ENTPD7: variants seen among roughly 807,000 people sequenced by gnomAD.
ENTPD7 encodes the protein ectonucleoside triphosphate diphosphohydrolase 7.
A neutral mutation model predicts 77.9 loss-of-function variants in ENTPD7; 53 were observed. The observed-to-expected ratio is 0.68, with a 90% CI of 0.55 to 0.85. The LOEUF (loss-of-function observed/expected upper bound fraction) is 0.85. ENTPD7 is among the 40% of genes least tolerant of loss of function. ENTPD7 has a pLI of 0.00. For synonymous variants in ENTPD7, 248 were observed against 274.9 expected, an observed-to-expected ratio of 0.90 and a Z score of 0.97; for missense variants, 636 against 743.7, an observed-to-expected ratio of 0.86 and a Z score of 1.68.
chr10:99,685,983 A>G (rs1477261665), intron 6 of ENTPD7, 88 bp downstream of exon 6: 3 of 785,634 alleles, frequency 3.8e-6, no homozygotes, highest in East Asian at 2.6e-5. Context: ...TATTCTATAT[A>G]TCGGATTTTA....
chr10:99,691,648 T>A, intron 8 of ENTPD7, 130 bp downstream of exon 8: 1 of 984,970 alleles, frequency 1.0e-6, no homozygotes, highest in Admixed American at 2.8e-5. Context: ...GCTTGCGTTA[T>A]CTTGAGTAGG....
rs1246273984 is a variant in ENTPD7, at chr10:99,702,400, G to A, written c.1422-112G>A. ...CACTTAGAGGTGAGGAAGGTGAAGC[G>A]GGAGGAGGTAGGTCTTTTAATAACT... is the stretch of plus-strand genomic sequence containing the variant. On this transcript the variant is annotated intron_variant, in intron 11 of 12. Coordinates refer to ENST00000370489, the MANE Select transcript of ENTPD7 (RefSeq NM_020354.5). 2.4e-5 allele frequency: 21 copies of A among 868,046 alleles called. No individual in the cohort carries two copies. In the East Asian group the frequency reaches 2.8e-4, roughly 12 times the overall value. 53.8% of individuals were successfully genotyped at this position (868,046 alleles called of 1,614,324 possible).
At chr10:99,703,070 C>T (rs987984824) in intron 12 of ENTPD7, among the ~76,000 whole-genome samples, 1 of 152,224 alleles carries the variant, frequency 6.6e-6, no homozygotes, top group African/African-American at 2.4e-5. Flanking sequence ...CTAGAGCAAT[C>T]TTTCATAACA....
At chr10:99,674,042 A>G (rs1409827248) in intron 3 of ENTPD7, among the ~76,000 whole-genome samples, 1 of 152,254 alleles carries the variant, frequency 6.6e-6, no homozygotes, top group Non-Finnish European at 1.5e-5. Context: ...ATTTTAGAAC[A>G]GAAGGAAGAG....
intron 3 of ENTPD7, among the ~76,000 whole-genome samples, chr10:99,662,762 A>C (rs1460940330): frequency 6.6e-6 from 1 of 152,218 alleles, no homozygotes. Flanking sequence ...GCTGCAAGAC[A>C]GATAGATCTC....
intron 6 of ENTPD7, among the ~76,000 whole-genome samples, chr10:99,686,561 A>G (rs1445100308): frequency 6.6e-6 from 1 of 152,036 alleles, no homozygotes; most frequent in Admixed American, 6.6e-5. Flanking sequence ...TAAAATTTCT[A>G]TTTTGATCTT....
rs534821742 is a variant in ENTPD7 at position 99,664,705 on chromosome 10, T to C, written c.191+3077T>C. On this transcript the variant is annotated intron_variant, in intron 3 of 12. Transcript: ENST00000370489. ...ACCTTGTGGTCTACCCACGTTGGCCTCCCAAAGTGCTGGAATTACAGGCGT... is the reference window on the plus strand; with the variant it reads ...ACCTTGTGGTCTACCCACGTTGGCCCCCCAAAGTGCTGGAATTACAGGCGT... Among the ~76,000 whole-genome samples, 52 of 152,086 alleles carry C rather than the reference T, an allele frequency of 3.4e-4. No individual in the cohort carries two copies. In the East Asian group the frequency reaches 9.6e-3, roughly 28 times the overall value.
chr10:99,709,367 A>G lies in ENTPD7; in HGVS notation c.*4684A>G. On this transcript the variant is annotated 3_prime_UTR_variant, in exon 13 of 13. Transcript: ENST00000370489. ...TGGGAATAAGAATTATGGTAGAAAT[A>G]GCAGATGTTTCAAATTCTCCCATAT... 1 of 985,398 alleles carries G rather than the reference A, an allele frequency of 1.0e-6. No homozygotes were observed. Among genetic ancestry groups the G allele is most frequent in the South Asian group, 4.7e-5 (1 of 21,288 alleles). The allele number at this position is 985,398 out of a possible 1,614,324, so 61.0% of individuals were successfully genotyped here. A position where few individuals can be genotyped will look rare whatever the true frequency, so the allele number is the denominator to read the frequency against.
Position 99,660,557 on chromosome 10 carries a change from C to G in ENTPD7, c.8+593C>G, listed in dbSNP as rs1045303812. On this transcript the variant is annotated intron_variant, in intron 2 of 12. Coordinates refer to ENST00000370489, the MANE Select transcript of ENTPD7 (RefSeq NM_020354.5). ...ACACACACACACACACACACACACA[C>G]ACACAGAGATATATTACTGTAAATA... The G allele has an allele frequency of 6.5e-4, 171 of 262,116 alleles. 3 individuals are homozygous for G. Among genetic ancestry groups the G allele is most frequent in the East Asian group, 5.9e-3 (42 of 7,142 alleles). 16.2% of individuals were successfully genotyped at this position (262,116 alleles called of 1,614,324 possible). A position where few individuals can be genotyped will look rare whatever the true frequency, so the allele number is the denominator to read the frequency against.
chr10:99,667,868 C>T (rs1377086020), intron 3 of ENTPD7, among the ~76,000 whole-genome samples: 1 of 147,344 alleles, frequency 6.8e-6, no homozygotes, highest in African/African-American at 2.5e-5. Context: ...AACAGTTCTA[C>T]ATATGTTGTT....
At chr10:99,680,478 C>T (rs1439398979) in intron 5 of ENTPD7, among the ~76,000 whole-genome samples, 3 of 152,018 alleles carry the variant, frequency 2.0e-5, no homozygotes, top group African/African-American at 7.2e-5. Flanking sequence ...CCACCTTGAT[C>T]CGTCCATACT....
chr10:99,669,740 G>GGTTTTTTT (rs1554835535), intron 3 of ENTPD7, among the ~76,000 whole-genome samples: 1 of 59,256 alleles, frequency 1.7e-5, no homozygotes, highest in African/African-American at 6.7e-5. Context: ...TAGATGTGTG[G>GGTTTTTTT]TTTTTTTTTT....
chr10:99,670,168 C>T (rs2035603791), intron 3 of ENTPD7, among the ~76,000 whole-genome samples: 1 of 152,104 alleles, frequency 6.6e-6, no homozygotes, highest in South Asian at 2.1e-4. Flanking sequence ...TTTACTTATT[C>T]AACAATTATC....
rs771628663 is a variant in ENTPD7 at position 99,679,706 on chromosome 10, T to G, written c.398-19T>G. Reference sequence around the variant, plus strand: ...GCTTTTTAAAGAAAGTTTTGTCTGTTTGTTTGTTTTAACTTAAGGAATCTC... The same window carrying G: ...GCTTTTTAAAGAAAGTTTTGTCTGTGTGTTTGTTTTAACTTAAGGAATCTC... On this transcript the variant is annotated intron_variant, in intron 4 of 12. Coordinates refer to ENST00000370489, the MANE Select transcript of ENTPD7 (RefSeq NM_020354.5). 1.9e-6 allele frequency: 3 copies of G among 1,595,892 alleles called. No homozygotes were observed. The highest frequency in any genetic ancestry group is 2.6e-6 in the Non-Finnish European group (3 of 1,173,964).
At chr10:99,696,226 CCTT>C (rs2035974810) in intron 9 of ENTPD7, 104 bp downstream of exon 9, 13 of 1,380,348 alleles carry the variant, frequency 9.4e-6, no homozygotes, top group South Asian at 1.4e-5. Flanking sequence ...CCTGCTTCCT[CCTT>C]CTTTCTGACT....
At position 99,710,179 on chromosome 10, in the gene ENTPD7, T is replaced by A. The variant is rs2036337394; in HGVS notation, c.*5496T>A. 3.0e-6 allele frequency: 3 copies of A among 985,444 alleles called. No individual in the cohort carries two copies. The highest frequency in any genetic ancestry group is 1.1e-4 in the East Asian group (1 of 8,814). 61.0% of individuals were successfully genotyped at this position (985,444 alleles called of 1,614,324 possible). On this transcript the variant is annotated 3_prime_UTR_variant, in exon 13 of 13. Coordinates refer to ENST00000370489, the MANE Select transcript of ENTPD7 (RefSeq NM_020354.5). ...AAGGCAGCCCTGGTACTTTCCTAAG[T>A]GGCCCCTCCTACAGAGCACTTGCCG... is the stretch of plus-strand genomic sequence containing the variant.
chr10:99,695,919 AC>A (rs750316046), intron 8 of ENTPD7, 36 bp from the exon 9 acceptor site: 1 of 1,572,570 alleles, frequency 6.4e-7, no homozygotes, highest in Non-Finnish European at 8.6e-7. Context: ...GGCAACCAAA[AC>A]TAAAATTCCC....
At chr10:99,660,284 T>C (rs1376955665) in intron 2 of ENTPD7, 1 of 985,030 alleles carries the variant, frequency 1.0e-6, no homozygotes, top group African/African-American at 1.7e-5. Flanking sequence ...GAAGTTTTTT[T>C]GTTTTTTGTT....
Position 99,707,406 on chromosome 10 carries a change from C to A in ENTPD7, c.*2723C>A, listed in dbSNP as rs1452757053. On this transcript the variant is annotated 3_prime_UTR_variant, in exon 13 of 13. Transcript: ENST00000370489. Reference sequence around the variant, plus strand: ...AGAAACAAAAGCCACTTACTCCTTGCTGAGAGCCAATTACTTAAATATATT... The same window carrying A: ...AGAAACAAAAGCCACTTACTCCTTGATGAGAGCCAATTACTTAAATATATT... 1.3e-5 allele frequency among the ~76,000 whole-genome samples: 2 copies of A among 152,212 alleles called. No homozygotes were observed. Among genetic ancestry groups the A allele is most frequent in the Non-Finnish European group, 2.9e-5 (2 of 68,036 alleles).
Sources: allele counts gnomAD v4.1 joint callset (sites outside exome capture counted in the v4.1 genomes callset), GRCh38; gene constraint gnomAD v4.1.1; transcripts MANE v1.5; gene names NCBI Gene and HGNC (gene_info 2026-07-23, HGNC 2026-07-21).